The following FRMD3 variants were observed in gnomAD, a reference collection of about 807,000 sequenced individuals.
FRMD3 encodes the protein FERM domain-containing protein 3.
Under a neutral mutation model 70.2 loss-of-function variants are expected in FRMD3, and 33 were observed. The ratio of observed to expected loss-of-function variants is 0.47; its 90% CI spans 0.36 to 0.63. The LOEUF (loss-of-function observed/expected upper bound fraction) is 0.63. Among genes scored for constraint, FRMD3 ranks in the 20% least tolerant of loss-of-function variants. The pLI is 0.00. For synonymous variants in FRMD3, 279 were observed against 255.9 expected (o/e 1.09, Z -0.86); for missense variants, 632 against 711.4 (o/e 0.89, Z 1.27).
chr9:83,471,050 A>C (rs1204888960), intron 1 of FRMD3, among the ~76,000 whole-genome samples: 1 of 152,228 alleles, frequency 6.6e-6, no homozygotes. Context: ...GCTCACAGCT[A>C]ACTCTGTCTC....
intron 13 of FRMD3, among the ~76,000 whole-genome samples, chr9:83,279,784 A>G (rs1255801596): frequency 7.7e-6 from 1 of 129,212 alleles, no homozygotes. Context: ...AACAACACAC[A>G]CTGGGGCCTG....
intron 13 of FRMD3, among the ~76,000 whole-genome samples, chr9:83,261,102 G>GACACAC (rs59345002): frequency 0.027 from 3,647 of 133,060 alleles, 84 homozygotes; most frequent in East Asian, 0.059. Flanking sequence ...AGGAAACTTA[G>GACACAC]ACACACACAC....
chr9:83,421,967 G>GT (rs1247107247), intron 1 of FRMD3, among the ~76,000 whole-genome samples: 1 of 152,206 alleles, frequency 6.6e-6, no homozygotes, highest in Non-Finnish European at 1.5e-5. Context: ...GCTCACGCCT[G>GT]TAATCCCAGC....
At chr9:83,365,182 C>T (rs1199423422) in intron 3 of FRMD3, among the ~76,000 whole-genome samples, 2 of 152,038 alleles carry the variant, frequency 1.3e-5, no homozygotes, top group Non-Finnish European at 2.9e-5. Flanking sequence ...TTGTTAAATG[C>T]CGTAAAGAAT....
the FRMD3 span, among the ~76,000 whole-genome samples, chr9:83,554,794 C>T: frequency 3.0e-4 from 45 of 152,140 alleles, 1 homozygote; most frequent in Admixed American, 5.2e-4. Context: ...GGCTGGAGGC[C>T]CAGGCCTGGA....
At chr9:83,450,943 C>T (rs527355337) in intron 1 of FRMD3, among the ~76,000 whole-genome samples, 24 of 152,206 alleles carry the variant, frequency 1.6e-4, no homozygotes, top group Admixed American at 7.2e-4. Flanking sequence ...AATGAATGTC[C>T]GTTTAATAAG....
chr9:83,503,244 C>T (rs1231716900), intron 1 of FRMD3, among the ~76,000 whole-genome samples: 1 of 152,150 alleles, frequency 6.6e-6, no homozygotes, highest in Non-Finnish European at 1.5e-5. Flanking sequence ...TCTGCATTAT[C>T]CTGGTGGGTC....
chr9:83,319,016 G>A (rs1835696669), intron 6 of FRMD3, among the ~76,000 whole-genome samples: 1 of 151,838 alleles, frequency 6.6e-6, no homozygotes, highest in South Asian at 2.1e-4. Flanking sequence ...TTGTTGAGTT[G>A]TTTGAGTTCC....
intron 6 of FRMD3, among the ~76,000 whole-genome samples, chr9:83,329,063 C>T (rs1472964364): frequency 6.6e-6 from 1 of 152,114 alleles, no homozygotes; most frequent in Non-Finnish European, 1.5e-5. Flanking sequence ...AGCTAGATTT[C>T]ACCTGTATAA....
At chr9:83,549,506 C>A in the FRMD3 span, among the ~76,000 whole-genome samples, 1 of 151,756 alleles carries the variant, frequency 6.6e-6, no homozygotes, top group African/African-American at 2.4e-5. Flanking sequence ...TAGCTTTTAG[C>A]TCTTTGAGGG....
Position 83,249,373 on chromosome 9 carries a change from G to A in FRMD3, c.1196-857C>T, listed in dbSNP as rs561563560. Among the ~76,000 whole-genome samples, 9 of 152,300 alleles carry A rather than the reference G, an allele frequency of 5.9e-5. No individual in the cohort carries two copies. In the South Asian group the frequency reaches 8.3e-4, roughly 14 times the overall value. ...TGGGAAATCGAGTTACCTATGGTCA[G>A]ACCTAGGGCTAACTCTGCTAATTTT... On this transcript the variant is annotated intron_variant, in intron 13 of 13. Coordinates refer to ENST00000304195, the MANE Select transcript of FRMD3 (RefSeq NM_174938.6).
chr9:83,440,853 C>T (rs956748655), intron 1 of FRMD3, among the ~76,000 whole-genome samples: 6 of 152,188 alleles, frequency 3.9e-5, no homozygotes, highest in African/African-American at 9.7e-5. Flanking sequence ...CAGAGTCTGA[C>T]GCCAGGAGGT....
At chr9:83,584,835 T>G in the FRMD3 span, among the ~76,000 whole-genome samples, 1 of 152,152 alleles carries the variant, frequency 6.6e-6, no homozygotes, top group Non-Finnish European at 1.5e-5. Context: ...ATCCGTGAAA[T>G]GGATCGATAA....
intron 1 of FRMD3, among the ~76,000 whole-genome samples, chr9:83,489,013 T>TGC (rs1828753260): frequency 1.4e-5 from 2 of 143,258 alleles, no homozygotes; most frequent in South Asian, 4.5e-4. Flanking sequence ...TGTGTGTGTG[T>TGC]GTGCTTGTGT....
intron 13 of FRMD3, among the ~76,000 whole-genome samples, chr9:83,272,518 C>T (rs541185468): frequency 3.9e-5 from 6 of 152,322 alleles, no homozygotes; most frequent in South Asian, 2.1e-4. Flanking sequence ...AGCTTCTGCC[C>T]GGCCGCCACC....
At chr9:83,297,347 G>A (rs1317108812) in intron 12 of FRMD3, among the ~76,000 whole-genome samples, 4 of 152,138 alleles carry the variant, frequency 2.6e-5, no homozygotes, top group South Asian at 4.1e-4. Context: ...GGTGCTCTCA[G>A]GGTGCTACAG....
chr9:83,567,662 A>G, the FRMD3 span, among the ~76,000 whole-genome samples: 1 of 152,204 alleles, frequency 6.6e-6, no homozygotes, highest in Admixed American at 6.5e-5. Context: ...TCTCAAGATC[A>G]AAGTCCCAAA....
At chr9:83,551,278 T>C in the FRMD3 span, among the ~76,000 whole-genome samples, 2 of 152,214 alleles carry the variant, frequency 1.3e-5, no homozygotes, top group African/African-American at 4.8e-5. Flanking sequence ...GAATCACATT[T>C]ATTGATTGTT....
At chr9:83,449,796 T>C (rs756472567) in intron 1 of FRMD3, among the ~76,000 whole-genome samples, 12 of 152,112 alleles carry the variant, frequency 7.9e-5, no homozygotes, top group Non-Finnish European at 1.5e-4. Flanking sequence ...GAATTGAAAG[T>C]TGGACTGAGG....
Sources: allele counts gnomAD v4.1 joint callset (sites outside exome capture counted in the v4.1 genomes callset), GRCh38; gene constraint gnomAD v4.1.1; transcripts MANE v1.5; gene names NCBI Gene and HGNC (gene_info 2026-07-23, HGNC 2026-07-21).